Variants in LRRC3B observed in about 807,000 individuals in gnomAD.
LRRC3B encodes the protein leucine rich repeat containing 3B.
Under a neutral mutation model 12.8 loss-of-function variants are expected in LRRC3B, and 2 were observed. The ratio of observed to expected loss-of-function variants is 0.16; its 90% CI spans 0.06 to 0.49. LRRC3B has a LOEUF of 0.49. Ranked by LOEUF, LRRC3B falls within the 20% of genes least tolerant of loss-of-function variation. LRRC3B has a pLI of 0.96. For missense variants in LRRC3B, 189 were observed against 319.4 expected (o/e 0.59, Z 3.11); for synonymous variants, 132 against 122.0 (o/e 1.08, Z -0.54).
At position 26,671,373 on chromosome 3, in the gene LRRC3B, TAGAGAG is replaced by T. The variant is rs1195473054; in HGVS notation, c.-160-38104_-160-38099del. On this transcript the variant is annotated intron_variant, in intron 1 of 1. Transcript: ENST00000396641. Reference sequence around the variant, plus strand: ...GTGTATATATATATATATATATATATAGAGAGAGAGAGAGAGAGAGAGAGAGAGAGA... The same window carrying T: ...GTGTATATATATATATATATATATATAGAGAGAGAGAGAGAGAGAGAGAGA... Among the ~76,000 whole-genome samples the T allele has an allele frequency of 5.5e-3, 156 of 28,252 alleles. 3 individuals are homozygous for T. Among genetic ancestry groups the T allele is most frequent in the African/African-American group, 0.016 (108 of 6,862 alleles). 18.5% of individuals were successfully genotyped at this position (28,252 alleles called of 152,430 possible).
intron 1 of LRRC3B, among the ~76,000 whole-genome samples, chr3:26,695,129 C>A (rs1041828851): frequency 6.6e-6 from 1 of 152,098 alleles, no homozygotes; most frequent in Non-Finnish European, 1.5e-5. Context: ...ATGTATTTGA[C>A]AACTTTTTAT....
At chr3:26,634,325 A>G (rs1698819832) in intron 1 of LRRC3B, among the ~76,000 whole-genome samples, 1 of 152,228 alleles carries the variant, frequency 6.6e-6, no homozygotes, top group South Asian at 2.1e-4. Flanking sequence ...TGGCAGAGCC[A>G]TACACTCAGT....
chr3:26,707,971 G>A (rs191229831), intron 1 of LRRC3B, among the ~76,000 whole-genome samples: 3 of 152,226 alleles, frequency 2.0e-5, no homozygotes, highest in Non-Finnish European at 2.9e-5. Flanking sequence ...CCAAAAGCAC[G>A]TCTGCTCCAT....
At chr3:26,634,958 A>C (rs970633184) in intron 1 of LRRC3B, among the ~76,000 whole-genome samples, 2 of 152,080 alleles carry the variant, frequency 1.3e-5, no homozygotes, top group African/African-American at 2.4e-5. Context: ...TGTTATCTTT[A>C]TTTGTTTTGT....
chr3:26,643,658 C>G (rs1699081578), intron 1 of LRRC3B, among the ~76,000 whole-genome samples: 2 of 152,196 alleles, frequency 1.3e-5, no homozygotes, highest in African/African-American at 4.8e-5. Flanking sequence ...CTGGAGGACA[C>G]AAGGATTCCA....
At chr3:26,670,585 T>C (rs1178391825) in intron 1 of LRRC3B, among the ~76,000 whole-genome samples, 1 of 152,190 alleles carries the variant, frequency 6.6e-6, no homozygotes, top group Non-Finnish European at 1.5e-5. Context: ...TGTCAGTAAT[T>C]ATTACTACAT....
chr3:26,640,572 C>T (rs1699009465), intron 1 of LRRC3B, among the ~76,000 whole-genome samples: 1 of 152,070 alleles, frequency 6.6e-6, no homozygotes. Flanking sequence ...TTTAAAAATC[C>T]ATGTCATATT....
chr3:26,645,308 C>T (rs947421594), intron 1 of LRRC3B, among the ~76,000 whole-genome samples: 1 of 152,098 alleles, frequency 6.6e-6, no homozygotes, highest in African/African-American at 2.4e-5. Context: ...ATAGTTCCTT[C>T]CCAACTATTC....
intron 1 of LRRC3B, among the ~76,000 whole-genome samples, chr3:26,704,701 G>A (rs200442038): frequency 1.3e-5 from 2 of 152,034 alleles, no homozygotes; most frequent in Admixed American, 6.5e-5. Flanking sequence ...GTTGCACCCA[G>A]CTCTCCATTT....
chr3:26,685,545 A>C (rs1338521969), intron 1 of LRRC3B, among the ~76,000 whole-genome samples: 34 of 135,954 alleles, frequency 2.5e-4, no homozygotes, highest in Admixed American at 1.8e-3. Flanking sequence ...ATATATATAT[A>C]TATATATATA....
At chr3:26,676,863 G>A (rs751513491) in intron 1 of LRRC3B, among the ~76,000 whole-genome samples, 3 of 152,150 alleles carry the variant, frequency 2.0e-5, no homozygotes, top group Non-Finnish European at 4.4e-5. Context: ...TTTTAAATTT[G>A]CACATCCATG....
chr3:26,649,829 T>A (rs1699227040), intron 1 of LRRC3B, among the ~76,000 whole-genome samples: 1 of 152,214 alleles, frequency 6.6e-6, no homozygotes, highest in Non-Finnish European at 1.5e-5. Flanking sequence ...ATGGTGCTAT[T>A]CTGTGCTCAT....
intron 1 of LRRC3B, among the ~76,000 whole-genome samples, chr3:26,704,562 T>C (rs1700536505): frequency 6.6e-6 from 1 of 152,148 alleles, no homozygotes; most frequent in Non-Finnish European, 1.5e-5. Flanking sequence ...GCTTTTTTTC[T>C]TCTTTTTATT....
chr3:26,662,492 C>T (rs1285199006), intron 1 of LRRC3B, among the ~76,000 whole-genome samples: 1 of 152,140 alleles, frequency 6.6e-6, no homozygotes, highest in Non-Finnish European at 1.5e-5. Flanking sequence ...AGCCCCTCCT[C>T]TGAAATCTCT....
At chr3:26,707,882 G>T (rs1051684685) in intron 1 of LRRC3B, among the ~76,000 whole-genome samples, 5 of 152,112 alleles carry the variant, frequency 3.3e-5, no homozygotes, top group Non-Finnish European at 7.4e-5. Flanking sequence ...CCAATGAAAT[G>T]ATCTGTTGAT....
intron 1 of LRRC3B, among the ~76,000 whole-genome samples, chr3:26,658,840 T>C (rs974494580): frequency 6.6e-6 from 1 of 152,214 alleles, no homozygotes; most frequent in Admixed American, 6.5e-5. Flanking sequence ...AAGGAAATAA[T>C]AGATCATACT....
intron 1 of LRRC3B, among the ~76,000 whole-genome samples, chr3:26,647,889 C>G (rs146956378): frequency 6.6e-6 from 1 of 152,126 alleles, no homozygotes; most frequent in African/African-American, 2.4e-5. Context: ...ATAGCTTCCC[C>G]GCGCCAAGCT....
At chr3:26,627,214 A>G (rs572408885) in intron 1 of LRRC3B, among the ~76,000 whole-genome samples, 2 of 152,310 alleles carry the variant, frequency 1.3e-5, no homozygotes, top group African/African-American at 4.8e-5. Flanking sequence ...GTTTCCAAGA[A>G]CACCTCATGT....
At chr3:26,640,012 T>A (rs921598289) in intron 1 of LRRC3B, among the ~76,000 whole-genome samples, 1 of 152,136 alleles carries the variant, frequency 6.6e-6, no homozygotes, top group African/African-American at 2.4e-5. Flanking sequence ...GATAAACAGC[T>A]AAAGCACAGG....
Sources: allele counts gnomAD v4.1 joint callset (sites outside exome capture counted in the v4.1 genomes callset), GRCh38; gene constraint gnomAD v4.1.1; transcripts MANE v1.5; gene names NCBI Gene and HGNC (gene_info 2026-07-23, HGNC 2026-07-21).